The following CDYL2 variants were observed in gnomAD, a reference collection of about 807,000 sequenced individuals.
CDYL2 encodes chromodomain Y like 2.
In CDYL2, 23 loss-of-function variants were observed where a neutral mutation model predicts 49.4. The observed-to-expected ratio is 0.47, with a 90% CI of 0.34 to 0.66. The LOEUF (loss-of-function observed/expected upper bound fraction) is 0.66, where lower values mean the gene tolerates loss of function less well. Ranked by LOEUF, CDYL2 falls within the 30% of genes least tolerant of loss-of-function variation. The pLI, the probability that CDYL2 is intolerant of heterozygous loss-of-function variation, is 0.01. For missense variants in CDYL2, 678 were observed against 656.4 expected, an observed-to-expected ratio of 1.03 and a Z score of -0.36; for synonymous variants, 360 against 268.8, an observed-to-expected ratio of 1.34 and a Z score of -3.32.
intron 4 of CDYL2, among the ~76,000 whole-genome samples, chr16:80,618,222 A>G (rs897193735): frequency 1.3e-5 from 2 of 152,198 alleles, no homozygotes; most frequent in African/African-American, 4.8e-5. Context: ...TCCACTAGTC[A>G]TGTTTCCCCA....
intron 2 of CDYL2, among the ~76,000 whole-genome samples, chr16:80,683,064 C>A (rs753975820): frequency 4.6e-5 from 7 of 152,324 alleles, no homozygotes; most frequent in South Asian, 4.1e-4. Context: ...CAGCTCTGCA[C>A]GTTCTGGACT....
intron 1 of CDYL2, among the ~76,000 whole-genome samples, chr16:80,721,791 G>C (rs1364086147): frequency 6.6e-6 from 1 of 152,176 alleles, no homozygotes; most frequent in Admixed American, 6.5e-5. Context: ...CAGCTGCTCT[G>C]TCCCCTCCCC....
At chr16:80,774,406 G>A (rs1483190795) in intron 1 of CDYL2, among the ~76,000 whole-genome samples, 2 of 151,786 alleles carry the variant, frequency 1.3e-5, no homozygotes, top group African/African-American at 4.8e-5. Context: ...GGGGGAGGAT[G>A]GGGGAAGGAA....
intron 1 of CDYL2, among the ~76,000 whole-genome samples, chr16:80,698,081 T>C (rs1012772527): frequency 6.6e-6 from 1 of 152,084 alleles, no homozygotes; most frequent in East Asian, 1.9e-4. Context: ...AGATCCCAAA[T>C]AGTCAAAGTT....
intron 1 of CDYL2, among the ~76,000 whole-genome samples, chr16:80,757,124 GGACA>G (rs1245319994): frequency 2.0e-5 from 3 of 152,020 alleles, no homozygotes; most frequent in Non-Finnish European, 2.9e-5. Context: ...TCAATTACCA[GGACA>G]GACAGAGAAA....
intron 1 of CDYL2, among the ~76,000 whole-genome samples, chr16:80,756,390 C>T (rs997247500): frequency 3.3e-5 from 5 of 151,606 alleles, no homozygotes; most frequent in African/African-American, 1.2e-4. Flanking sequence ...AATTTGTTAA[C>T]AAGAATAAAA....
chr16:80,774,867 A>C (rs1197919923), intron 1 of CDYL2, among the ~76,000 whole-genome samples: 1 of 151,452 alleles, frequency 6.6e-6, no homozygotes, highest in Non-Finnish European at 1.5e-5. Flanking sequence ...TAGGAAGGAG[A>C]AAAGGCATAG....
chr16:80,692,046 G>T (rs1383639985), intron 1 of CDYL2, among the ~76,000 whole-genome samples: 2 of 152,070 alleles, frequency 1.3e-5, no homozygotes, highest in Non-Finnish European at 2.9e-5. Flanking sequence ...AGGAAAATGA[G>T]AATAGATACC....
chr16:80,737,454 A>G (rs1271405130), intron 1 of CDYL2, among the ~76,000 whole-genome samples: 1 of 152,224 alleles, frequency 6.6e-6, no homozygotes, highest in Admixed American at 6.5e-5. Flanking sequence ...GTTCAAACCC[A>G]GGGCTGTGAG....
chr16:80,614,966 A>C (rs58145741), intron 4 of CDYL2, among the ~76,000 whole-genome samples: 17,728 of 152,060 alleles, frequency 0.12, 3,438 homozygotes, highest in African/African-American at 0.4. Context: ...GGATATCATA[A>C]TGATATACTG....
At chr16:80,779,051 G>A (rs746309059) in intron 1 of CDYL2, among the ~76,000 whole-genome samples, 4 of 152,052 alleles carry the variant, frequency 2.6e-5, no homozygotes, top group South Asian at 2.1e-4. Flanking sequence ...TACATATTTT[G>A]TCATGAGGAT....
chr16:80,617,406 G>T (rs545838401), intron 4 of CDYL2, among the ~76,000 whole-genome samples: 1 of 152,216 alleles, frequency 6.6e-6, no homozygotes. Flanking sequence ...CTTCTTGTAA[G>T]TATGCTAATA....
intron 1 of CDYL2, among the ~76,000 whole-genome samples, chr16:80,794,983 A>G (rs1262067567): frequency 2.0e-5 from 3 of 152,220 alleles, no homozygotes; most frequent in Non-Finnish European, 4.4e-5. Context: ...CACAGCTGAC[A>G]TAAAATAAAA....
chr16:80,684,622 C>A lies in CDYL2; in HGVS notation c.532G>T (p.Gly178Cys), dbSNP rs761574264. ...CCAACATGATCATTCAAATCCAAGC[C>A]AGGCTGATGGGACCCATTTCCAAAG... ...RHFGNGSHQP[G>C]LDLNDHVGEQ... Residue 178 changes from glycine (G) to cysteine (C), a missense_variant, in exon 2 of 7, where the codon GGC becomes TGC. This residue lies in a region of CDYL2 where 478 missense variants were observed against 427.0 expected (regional missense o/e 1.12). Coordinates refer to ENST00000570137, the MANE Select transcript of CDYL2 (RefSeq NM_152342.4). 3.1e-6 allele frequency: 5 copies of A among 1,614,208 alleles called. No homozygotes were observed. Among genetic ancestry groups the A allele is most frequent in the Non-Finnish European group, 4.2e-6 (5 of 1,180,030 alleles).
intron 1 of CDYL2, among the ~76,000 whole-genome samples, chr16:80,737,788 C>G (rs1213483038): frequency 2.0e-5 from 3 of 152,210 alleles, no homozygotes; most frequent in Non-Finnish European, 4.4e-5. Context: ...GGGAACCACA[C>G]TTTGAGAACC....
chr16:80,699,504 G>C (rs1349792619), intron 1 of CDYL2, among the ~76,000 whole-genome samples: 1 of 141,032 alleles, frequency 7.1e-6, no homozygotes, highest in African/African-American at 2.5e-5. Context: ...AGTTACTAGA[G>C]GCTGTGAAGA....
intron 1 of CDYL2, among the ~76,000 whole-genome samples, chr16:80,764,515 A>G (rs922668224): frequency 6.6e-6 from 1 of 152,162 alleles, no homozygotes; most frequent in Non-Finnish European, 1.5e-5. Context: ...AAAAGAGACA[A>G]TCATTATCAA....
chr16:80,614,125 C>T (rs1163833716), intron 4 of CDYL2, among the ~76,000 whole-genome samples: 2 of 152,262 alleles, frequency 1.3e-5, no homozygotes. Context: ...ACTCAGTAAA[C>T]AGCTGTTGAG....
At chr16:80,694,187 G>A (rs989468220) in intron 1 of CDYL2, among the ~76,000 whole-genome samples, 1 of 152,122 alleles carries the variant, frequency 6.6e-6, no homozygotes, top group African/African-American at 2.4e-5. Context: ...CCTTGCATGC[G>A]CAGTTCACAA....
Sources: gnomAD v4.1 joint callset for allele counts (sites outside exome capture counted in the v4.1 genomes callset) on GRCh38, gnomAD v4.1.1 for gene constraint, gnomAD v4.1.1 regional missense constraint, MANE v1.5 for transcripts, NCBI Gene and HGNC (gene_info 2026-07-23, HGNC 2026-07-21) for gene names.